Variants in DPY19L3 observed in about 807,000 individuals in gnomAD.
DPY19L3 encodes protein C-mannosyl-transferase DPY19L3.
Under a neutral mutation model 92.3 loss-of-function variants are expected in DPY19L3, and 51 were observed. The ratio of observed to expected loss-of-function variants is 0.55; its 90% CI spans 0.44 to 0.70. DPY19L3 has a LOEUF of 0.70. Ranked by LOEUF, DPY19L3 falls within the 30% of genes least tolerant of loss-of-function variation. The pLI is 0.00. For synonymous variants in DPY19L3, 309 were observed against 315.2 expected (o/e 0.98, Z 0.21); for missense variants, 706 against 855.9 (o/e 0.82, Z 2.18).
intron 7 of DPY19L3, among the ~76,000 whole-genome samples, chr19:32,439,483 A>G (rs1204417641): frequency 5.3e-5 from 8 of 152,222 alleles, no homozygotes; most frequent in Non-Finnish European, 1.2e-4. Flanking sequence ...GCAAACCCAC[A>G]CACAATTTCT....
intron 12 of DPY19L3, among the ~76,000 whole-genome samples, chr19:32,460,244 AAAAAAG>A (rs938143444): frequency 6.6e-6 from 1 of 152,080 alleles, no homozygotes; most frequent in African/African-American, 2.4e-5. Flanking sequence ...CTACGGAAAA[AAAAAAG>A]AAAAAGAAAA....
At chr19:32,475,796 G>T (rs77665933) in intron 16 of DPY19L3, among the ~76,000 whole-genome samples, 1 of 152,144 alleles carries the variant, frequency 6.6e-6, no homozygotes, top group Admixed American at 6.5e-5. Context: ...TTGTTGATAC[G>T]GGGAACAGAG....
At chr19:32,455,141 T>A in intron 10 of DPY19L3, 101 bp downstream of exon 10, 1 of 791,102 alleles carries the variant, frequency 1.3e-6, no homozygotes, top group Non-Finnish European at 1.9e-6. Context: ...AAACTAATTG[T>A]TTTAGAGACA....
chr19:32,459,295 A>G (rs1969967165), intron 12 of DPY19L3, among the ~76,000 whole-genome samples: 1 of 152,196 alleles, frequency 6.6e-6, no homozygotes, highest in Non-Finnish European at 1.5e-5. Flanking sequence ...ATTAAGTGTA[A>G]GAAGTTGAAG....
At chr19:32,462,293 C>G (rs1295230624) in intron 12 of DPY19L3, among the ~76,000 whole-genome samples, 1 of 152,004 alleles carries the variant, frequency 6.6e-6, no homozygotes, top group African/African-American at 2.4e-5. Context: ...AACACAGGAC[C>G]AAGGGATGAT....
At chr19:32,413,957 C>G (rs1235928284) in intron 3 of DPY19L3, among the ~76,000 whole-genome samples, 6 of 152,102 alleles carry the variant, frequency 3.9e-5, no homozygotes, top group African/African-American at 1.4e-4. Context: ...CTCCTGGACT[C>G]AAGCAATCCT....
intron 8 of DPY19L3, among the ~76,000 whole-genome samples, chr19:32,444,712 T>A (rs927374245): frequency 2.4e-4 from 36 of 151,902 alleles, no homozygotes; most frequent in Non-Finnish European, 3.8e-4. Flanking sequence ...AGATAAATTT[T>A]AAAAAATTGA....
chr19:32,476,263 A>G (rs572211065), intron 16 of DPY19L3, among the ~76,000 whole-genome samples: 26 of 152,270 alleles, frequency 1.7e-4, no homozygotes, highest in African/African-American at 5.5e-4. Flanking sequence ...CTCCAAAACC[A>G]TGGAGAACAG....
At chr19:32,462,253 C>T (rs571864395) in intron 12 of DPY19L3, among the ~76,000 whole-genome samples, 166 of 151,948 alleles carry the variant, frequency 1.1e-3, no homozygotes, top group African/African-American at 3.5e-3. Flanking sequence ...TTGTCTGTCT[C>T]GGGTAGGTGG....
At chr19:32,471,876 A>T (rs567527145) in intron 16 of DPY19L3, among the ~76,000 whole-genome samples, 1 of 152,168 alleles carries the variant, frequency 6.6e-6, no homozygotes, top group African/African-American at 2.4e-5. Context: ...TCCTGTGAAG[A>T]CTCTTAAAGC....
Position 32,439,186 on chromosome 19 carries a change from T to A in DPY19L3, c.671T>A (p.Ile224Lys). 6.2e-7 allele frequency: 1 copy of A among 1,613,758 alleles called. No individual in the cohort carries two copies. The highest frequency in any genetic ancestry group is 8.5e-7 in the Non-Finnish European group (1 of 1,179,720). ...NWALPFFAIQ[I>K]AAITYFLRPN... The stretch of plus-strand genomic sequence containing the variant: ...GCGCTGCCATTCTTTGCAATTCAGA[T>A]AGCAGCAATTACATATTTCCTGAGA... Residue 224 changes from isoleucine to lysine, a missense_variant, in exon 7 of 19, where the codon ATA becomes AAA. Ile to Lys is a moderately radical substitution (Grantham distance 102, BLOSUM62 -3). Transcript: ENST00000392250.
intron 1 of DPY19L3, among the ~76,000 whole-genome samples, chr19:32,406,939 C>A (rs1156818231): frequency 1.3e-5 from 2 of 151,334 alleles, no homozygotes; most frequent in Non-Finnish European, 2.9e-5. Context: ...CCTCTTCTCC[C>A]TCTCTGTTCC....
chr19:32,412,325 C>A (rs1968212994), intron 3 of DPY19L3: 1 of 151,480 alleles, frequency 6.6e-6, no homozygotes, highest in Non-Finnish European at 1.5e-5. Context: ...AGAAAGAATA[C>A]TATCACATCT....
intron 8 of DPY19L3, among the ~76,000 whole-genome samples, chr19:32,450,272 T>G (rs921801347): frequency 7.9e-5 from 12 of 152,108 alleles, no homozygotes; most frequent in African/African-American, 2.9e-4. Context: ...TCTCATACAT[T>G]GATGATGATG....
In DPY19L3 at chr19:32,436,493, A is replaced by G; in HGVS notation, c.376A>G (p.Ile126Val). 2 of 1,577,120 alleles carry G rather than the reference A, an allele frequency of 1.3e-6. No individual in the cohort carries two copies. The highest frequency in any genetic ancestry group is 2.3e-5 in the East Asian group (1 of 44,286). ...TAATAAAACTGAATCTATGAAGACA[A>G]TTAACCTCCTTCAGCGAATGAATAT... ...YDNKTESMKT[I>V]NLLQRMNIYQ... Residue 126 changes from isoleucine to valine, a missense_variant, in exon 5 of 19, where the codon ATT becomes GTT. Ile to Val is a conservative substitution (Grantham distance 29). Coordinates refer to ENST00000392250, the MANE Select transcript of DPY19L3 (RefSeq NM_001172774.2).
chr19:32,463,876 T>A lies in DPY19L3; in HGVS notation c.1453T>A (p.Tyr485Asn). The A allele has an allele frequency of 6.2e-7, 1 of 1,612,850 alleles. No homozygotes were observed. Among genetic ancestry groups the A allele is most frequent in the Non-Finnish European group, 8.5e-7 (1 of 1,179,144 alleles). Reference sequence around the variant, plus strand: ...CTGTGTCTGTTCTTGCAGAATGAAGTACCTCTGGACGTCACACATGTGTGT... The same window carrying A: ...CTGTGTCTGTTCTTGCAGAATGAAGAACCTCTGGACGTCACACATGTGTGT... ...FLALSTMRMK[Y>N]LWTSHMCVFA... The change falls in exon 14 of 19, where the codon TAC becomes AAC. Residue 485 changes from tyrosine to asparagine, a missense_variant. Tyr to Asn is a moderately radical substitution (Grantham distance 143, BLOSUM62 -2). Transcript: ENST00000392250.
Position 32,432,710 on chromosome 19 carries a change from T to C in DPY19L3, c.238-6T>C. ...CATAAACCCATAGGATCTAACTCTG[T>C]TTTAGGAAGTGGAGCGAGAAATCTC... On this transcript the variant is annotated splice_region_variant and splice_polypyrimidine_tract_variant and intron_variant, in intron 3 of 18. Transcript: ENST00000392250. The C allele has an allele frequency of 1.9e-6, 3 of 1,613,226 alleles. No individual in the cohort carries two copies. Among genetic ancestry groups the C allele is most frequent in the Non-Finnish European group, 2.5e-6 (3 of 1,179,434 alleles).
At chr19:32,413,013 A>C (rs1319351601) in intron 3 of DPY19L3, 1 of 152,100 alleles carries the variant, frequency 6.6e-6, no homozygotes, top group Admixed American at 6.5e-5. Flanking sequence ...CTCTTTTTCA[A>C]CATTTCTAGA....
chr19:32,427,851 G>A (rs1248466252), intron 3 of DPY19L3: 2 of 151,986 alleles, frequency 1.3e-5, no homozygotes, highest in Non-Finnish European at 2.9e-5. Context: ...CTATTTCTTG[G>A]TGAGATGATT....
Sources: allele counts gnomAD v4.1 joint callset (sites outside exome capture counted in the v4.1 genomes callset), GRCh38; gene constraint gnomAD v4.1.1; transcripts MANE v1.5; gene names NCBI Gene and HGNC (gene_info 2026-07-23, HGNC 2026-07-21).